ZNF438: variants seen among roughly 807,000 people sequenced by gnomAD.
ZNF438 encodes the protein zinc finger protein 438.
In ZNF438, 25 loss-of-function variants were observed where a neutral mutation model predicts 38.0. The observed-to-expected ratio is 0.66, with a 90% confidence interval of 0.48 to 0.92. The LOEUF (loss-of-function observed/expected upper bound fraction) is 0.92, where lower values mean the gene tolerates loss of function less well. ZNF438 is among the 40% of genes least tolerant of loss of function. ZNF438 has a pLI of 0.00. For missense variants in ZNF438, 1,007 were observed against 999.6 expected (o/e 1.01, Z -0.10); for synonymous variants, 372 against 364.1 (o/e 1.02, Z -0.25).
At chr10:30,879,768 T>C (rs2038955817) in intron 3 of ZNF438, among the ~76,000 whole-genome samples, 2 of 151,962 alleles carry the variant, frequency 1.3e-5, no homozygotes, top group African/African-American at 2.4e-5. Flanking sequence ...CTACACAGAA[T>C]GGAGAAGACA....
chr10:30,847,580 G>A (rs2032509961), intron 5 of ZNF438, among the ~76,000 whole-genome samples: 1 of 151,304 alleles, frequency 6.6e-6, no homozygotes. Flanking sequence ...CAAACAGGCT[G>A]AAACACGCCT....
intron 3 of ZNF438, among the ~76,000 whole-genome samples, chr10:30,904,800 C>A (rs1325600159): frequency 6.6e-6 from 1 of 152,164 alleles, no homozygotes; most frequent in Non-Finnish European, 1.5e-5. Flanking sequence ...TTATCTTATG[C>A]CCTTTTTGCC....
chr10:30,989,621 A>G (rs2053251827), intron 1 of ZNF438, among the ~76,000 whole-genome samples: 1 of 152,174 alleles, frequency 6.6e-6, no homozygotes, highest in Non-Finnish European at 1.5e-5. Context: ...CTCCAGTCCT[A>G]AATGTGATTA....
chr10:30,955,411 T>G (rs567739710), intron 1 of ZNF438, among the ~76,000 whole-genome samples: 2 of 152,192 alleles, frequency 1.3e-5, no homozygotes, highest in African/African-American at 4.8e-5. Flanking sequence ...CAGAATATAG[T>G]GGAAGTGATA....
At chr10:30,844,708 T>C (rs1213819903) in exon 6 of ZNF438, 6 of 398,312 alleles carry the variant, frequency 1.5e-5, no homozygotes, top group Non-Finnish European at 2.6e-5. Flanking sequence ...GATCTTTTTA[T>C]TTATTCTGAA....
intron 1 of ZNF438, among the ~76,000 whole-genome samples, chr10:31,000,971 C>T (rs1282080312): frequency 6.6e-6 from 1 of 152,118 alleles, no homozygotes; most frequent in Non-Finnish European, 1.5e-5. Context: ...AAAAATCTTG[C>T]CCATCTTCTA....
intron 2 of ZNF438, among the ~76,000 whole-genome samples, chr10:30,934,814 G>A (rs2046066180): frequency 6.6e-6 from 1 of 152,164 alleles, no homozygotes; most frequent in Non-Finnish European, 1.5e-5. Flanking sequence ...ACTAATGATT[G>A]CTTCTGGCAA....
chr10:30,853,201 T>C (rs1003792402), intron 4 of ZNF438, among the ~76,000 whole-genome samples: 7 of 152,350 alleles, frequency 4.6e-5, no homozygotes, highest in African/African-American at 1.7e-4. Flanking sequence ...TTCTTCCTCC[T>C]AACTGGGCAG....
chr10:30,878,965 T>C (rs978546104), intron 3 of ZNF438, among the ~76,000 whole-genome samples: 12 of 152,012 alleles, frequency 7.9e-5, no homozygotes, highest in Admixed American at 5.9e-4. Context: ...CAGGAAACAA[T>C]TGCAATGAGC....
intron 4 of ZNF438, among the ~76,000 whole-genome samples, chr10:30,874,742 G>A (rs1588937746): frequency 6.6e-6 from 1 of 151,460 alleles, no homozygotes; most frequent in African/African-American, 2.4e-5. Context: ...AAAAGGAGAT[G>A]ATCAAAAATT....
chr10:30,849,020 C>G, exon 5 of ZNF438: 1 of 1,614,112 alleles, frequency 6.2e-7, no homozygotes, highest in Non-Finnish European at 8.5e-7. Flanking sequence ...TCCTAGGCCC[C>G]CAAGCATCTG....
At chr10:30,963,709 G>A (rs775298510) in intron 1 of ZNF438, among the ~76,000 whole-genome samples, 22 of 151,878 alleles carry the variant, frequency 1.4e-4, no homozygotes, top group Non-Finnish European at 1.8e-4. Context: ...GTGAAACTCC[G>A]TCTCTACTAA....
intron 1 of ZNF438, among the ~76,000 whole-genome samples, chr10:30,961,892 GAAAA>G (rs947031672): frequency 1.0e-4 from 7 of 67,096 alleles, no homozygotes; most frequent in African/African-American, 3.6e-4. Flanking sequence ...CATCCCAAAA[GAAAA>G]AAAAAAAAAA....
intron 4 of ZNF438, among the ~76,000 whole-genome samples, chr10:30,874,527 A>G (rs2038111834): frequency 1.4e-5 from 2 of 144,892 alleles, no homozygotes; most frequent in African/African-American, 5.8e-5. Context: ...ATATTAATCT[A>G]AGACATACAG....
intron 4 of ZNF438, among the ~76,000 whole-genome samples, chr10:30,873,162 C>CA (rs941218413): frequency 8.6e-5 from 13 of 151,788 alleles, no homozygotes; most frequent in Admixed American, 6.6e-4. Context: ...AAATAACAGA[C>CA]AAAAAAAGGA....
chr10:30,878,799 C>A (rs886763888), intron 3 of ZNF438, among the ~76,000 whole-genome samples: 4 of 152,188 alleles, frequency 2.6e-5, no homozygotes, highest in Non-Finnish European at 4.4e-5. Flanking sequence ...GCACCCAAAG[C>A]AGCCAGCCTG....
intron 5 of ZNF438, among the ~76,000 whole-genome samples, chr10:30,846,045 C>T (rs1378476378): frequency 6.6e-6 from 1 of 152,172 alleles, no homozygotes; most frequent in Non-Finnish European, 1.5e-5. Context: ...GGGTGCCTAC[C>T]CTATTTCTTC....
intron 1 of ZNF438, among the ~76,000 whole-genome samples, chr10:30,983,801 G>A (rs1693070227): frequency 6.6e-6 from 1 of 151,848 alleles, no homozygotes; most frequent in Non-Finnish European, 1.5e-5. Context: ...TGACTTTTGT[G>A]CTTCAAGTAA....
intron 1 of ZNF438, among the ~76,000 whole-genome samples, chr10:30,955,071 G>A (rs561018669): frequency 1.4e-4 from 22 of 152,294 alleles, no homozygotes; most frequent in Non-Finnish European, 3.1e-4. Context: ...GTTTACTGCA[G>A]CTATTCTATG....
Sources: gnomAD v4.1 joint callset for allele counts (sites outside exome capture counted in the v4.1 genomes callset) on GRCh38, gnomAD v4.1.1 for gene constraint, MANE v1.5 for transcripts, NCBI Gene and HGNC (gene_info 2026-07-23, HGNC 2026-07-21) for gene names.